Variants in CELF2 observed in about 807,000 individuals in gnomAD.
CELF2 encodes the protein CUGBP Elav-like family member 2, also known as CUG triplet repeat RNA-binding protein 2.
CELF2 carries 8 observed loss-of-function variants against 62.6 expected under a neutral mutation model. That is an observed-to-expected ratio of 0.13 (90% CI 0.07 to 0.23). The LOEUF (loss-of-function observed/expected upper bound fraction) is 0.23. Among genes scored for constraint, CELF2 ranks in the 10% least tolerant of loss-of-function variants. The pLI is 1.00. For synonymous variants in CELF2, 258 were observed against 250.0 expected (o/e 1.03, Z -0.30); for missense variants, 333 against 671.0 (o/e 0.50, Z 5.56).
the CELF2 span, among the ~76,000 whole-genome samples, chr10:10,541,803 G>A: frequency 2.0e-5 from 3 of 152,168 alleles, no homozygotes; most frequent in Non-Finnish European, 4.4e-5. Flanking sequence ...TTGGTGACCT[G>A]TATCTTGTGC....
chr10:11,144,900 G>GAAGA (rs2061980862), intron 1 of CELF2, among the ~76,000 whole-genome samples: 1 of 74,114 alleles, frequency 1.3e-5, no homozygotes, highest in South Asian at 5.8e-4. Context: ...TCAGGAAACA[G>GAAGA]AAAAAAAAAA....
the CELF2 span, among the ~76,000 whole-genome samples, chr10:10,764,840 A>G: frequency 1.3e-5 from 2 of 152,174 alleles, no homozygotes; most frequent in Admixed American, 6.5e-5. Flanking sequence ...ATCTGCTTGT[A>G]CATCTTCTGC....
chr10:10,558,082 G>A, the CELF2 span, among the ~76,000 whole-genome samples: 1 of 150,568 alleles, frequency 6.6e-6, no homozygotes, highest in Non-Finnish European at 1.5e-5. Context: ...TTGAATAGGA[G>A]TGGTGAGAGA....
intron 2 of CELF2, among the ~76,000 whole-genome samples, chr10:11,183,120 C>T (rs1375054257): frequency 3.3e-5 from 5 of 152,210 alleles, no homozygotes; most frequent in Admixed American, 1.3e-4. Context: ...TGCACCTTGG[C>T]AGTCCCTTCT....
chr10:10,686,991 G>A, the CELF2 span, among the ~76,000 whole-genome samples: 1 of 152,090 alleles, frequency 6.6e-6, no homozygotes, highest in African/African-American at 2.4e-5. Context: ...CCTGATCTCT[G>A]GCCATTGTAT....
At chr10:10,479,325 T>G in the CELF2 span, among the ~76,000 whole-genome samples, 1 of 151,980 alleles carries the variant, frequency 6.6e-6, no homozygotes, top group Admixed American at 6.6e-5. Flanking sequence ...TACACCACCG[T>G]GCCCGGATAA....
At chr10:11,142,761 T>C (rs951354466) in intron 1 of CELF2, among the ~76,000 whole-genome samples, 3 of 151,204 alleles carry the variant, frequency 2.0e-5, no homozygotes, top group Non-Finnish European at 4.4e-5. Flanking sequence ...TACACACCTG[T>C]AGTTAGGAAA....
At chr10:10,984,990 G>A (rs1176331959) in intron 2 of CELF2, among the ~76,000 whole-genome samples, 1 of 152,040 alleles carries the variant, frequency 6.6e-6, no homozygotes, top group African/African-American at 2.4e-5. Flanking sequence ...TTCTATTGAC[G>A]AATGTTTCAC....
chr10:10,722,215 TTGC>T, the CELF2 span, among the ~76,000 whole-genome samples: 2 of 152,086 alleles, frequency 1.3e-5, no homozygotes, highest in Non-Finnish European at 2.9e-5. Context: ...GGCAGGAGGA[TTGC>T]TTAAGCCCAG....
chr10:11,173,955 G>A (rs1273775935), intron 2 of CELF2, among the ~76,000 whole-genome samples: 1 of 152,174 alleles, frequency 6.6e-6, no homozygotes, highest in Non-Finnish European at 1.5e-5. Flanking sequence ...AATGTGTTGG[G>A]TTCTGAGACA....
chr10:10,689,928 GA>G, the CELF2 span, among the ~76,000 whole-genome samples: 1 of 152,126 alleles, frequency 6.6e-6, no homozygotes, highest in Non-Finnish European at 1.5e-5. Flanking sequence ...AGTATATGTG[GA>G]GGACATTCCA....
At chr10:10,937,732 A>AATG (rs1467390099) in intron 2 of CELF2, among the ~76,000 whole-genome samples, 1 of 152,102 alleles carries the variant, frequency 6.6e-6, no homozygotes, top group Non-Finnish European at 1.5e-5. Context: ...TTATTTTACC[A>AATG]ATGTGAAGTG....
chr10:11,042,434 C>T (rs539019040), intron 1 of CELF2, among the ~76,000 whole-genome samples: 18 of 152,324 alleles, frequency 1.2e-4, no homozygotes, highest in African/African-American at 4.3e-4. Context: ...GATGTTTCTT[C>T]TAACAGCATA....
chr10:11,088,959 C>T (rs7080063), intron 1 of CELF2, among the ~76,000 whole-genome samples: 39,271 of 152,100 alleles, frequency 0.26, 5,370 homozygotes, highest in Middle Eastern at 0.31. Context: ...AAGCCTCTCC[C>T]GTGCGTTGGG....
At chr10:11,079,445 C>T (rs928763522) in intron 1 of CELF2, among the ~76,000 whole-genome samples, 3 of 152,126 alleles carry the variant, frequency 2.0e-5, no homozygotes, top group African/African-American at 7.2e-5. Flanking sequence ...TAATAATACC[C>T]ATGAGTCAAG....
chr10:10,800,453 G>A (rs2054548983), intron 1 of CELF2, among the ~76,000 whole-genome samples: 1 of 152,168 alleles, frequency 6.6e-6, no homozygotes, highest in Non-Finnish European at 1.5e-5. Flanking sequence ...CCGGGTTCAA[G>A]CAATTCTTCT....
At chr10:10,900,408 C>CA (rs2062853945) in intron 1 of CELF2, among the ~76,000 whole-genome samples, 1 of 152,036 alleles carries the variant, frequency 6.6e-6, no homozygotes, top group African/African-American at 2.4e-5. Context: ...GTATAACATT[C>CA]AAAAATCAAT....
At chr10:11,320,739 C>G in intron 10 of CELF2, 1 of 1,081,646 alleles carries the variant, frequency 9.2e-7, no homozygotes. Context: ...TCCTTTCCTC[C>G]TCAGCCCTGC....
chr10:10,570,330 A>C, the CELF2 span, among the ~76,000 whole-genome samples: 1 of 148,110 alleles, frequency 6.8e-6, no homozygotes, highest in South Asian at 2.2e-4. Flanking sequence ...ATTAACCAAA[A>C]GCAAGTGAGA....
Sources: allele counts gnomAD v4.1 joint callset (sites outside exome capture counted in the v4.1 genomes callset), GRCh38; gene constraint gnomAD v4.1.1; transcripts MANE v1.5; gene names NCBI Gene and HGNC (gene_info 2026-07-23, HGNC 2026-07-21).